Variants in PRKD1 observed in about 807,000 individuals in gnomAD.
PRKD1 encodes the protein protein kinase D1.
PRKD1 carries 63 observed loss-of-function variants against 95.9 expected under a neutral mutation model. The ratio of observed to expected loss-of-function variants is 0.66; its 90% CI spans 0.54 to 0.81. PRKD1 has a LOEUF of 0.81. PRKD1 is among the 30% of genes least tolerant of loss of function. The pLI, the probability that PRKD1 is intolerant of heterozygous loss-of-function variation, is 0.00. For missense variants in PRKD1, 1,048 were observed against 1,165.3 expected (o/e 0.90, Z 1.47); for synonymous variants, 425 against 423.1 (o/e 1.00, Z -0.05).
intron 16 of PRKD1, among the ~76,000 whole-genome samples, chr14:29,588,251 G>T (rs1893003951): frequency 6.6e-6 from 1 of 152,106 alleles, no homozygotes; most frequent in East Asian, 1.9e-4. Flanking sequence ...CCTACAGCTG[G>T]TTCCTTTTCA....
intron 16 of PRKD1, chr14:29,594,020 T>C: frequency 7.6e-6 from 3 of 396,304 alleles, no homozygotes; most frequent in South Asian, 5.6e-5. Context: ...GTCTAAGCCC[T>C]TGATTTCAAG....
intron 1 of PRKD1, among the ~76,000 whole-genome samples, chr14:29,753,841 G>C (rs530871778): frequency 6.6e-6 from 1 of 152,134 alleles, no homozygotes; most frequent in South Asian, 2.1e-4. Flanking sequence ...CTTTTTCAAT[G>C]ATGTACACCT....
intron 16 of PRKD1, among the ~76,000 whole-genome samples, chr14:29,580,821 T>C (rs1036459478): frequency 6.6e-6 from 1 of 152,108 alleles, no homozygotes; most frequent in Non-Finnish European, 1.5e-5. Flanking sequence ...ATGTATTATG[T>C]ATGTATAAAT....
At chr14:29,744,275 T>A (rs1392097345) in intron 1 of PRKD1, among the ~76,000 whole-genome samples, 1 of 152,208 alleles carries the variant, frequency 6.6e-6, no homozygotes, top group Non-Finnish European at 1.5e-5. Flanking sequence ...TCTCAAGAAA[T>A]GTCACTGCCA....
At chr14:29,731,519 TGAGA>T (rs1225340741) in intron 1 of PRKD1, among the ~76,000 whole-genome samples, 1 of 152,224 alleles carries the variant, frequency 6.6e-6, no homozygotes, top group Non-Finnish European at 1.5e-5. Flanking sequence ...TATAAATTAA[TGAGA>T]AAGAAATATT....
At chr14:29,819,018 T>C (rs1289884086) in intron 1 of PRKD1, among the ~76,000 whole-genome samples, 3 of 152,098 alleles carry the variant, frequency 2.0e-5, no homozygotes, top group African/African-American at 7.2e-5. Flanking sequence ...GGGGGTACAC[T>C]GTATTCTTCA....
At chr14:29,812,754 CGAGAT>C (rs1294851212) in intron 1 of PRKD1, among the ~76,000 whole-genome samples, 7 of 152,280 alleles carry the variant, frequency 4.6e-5, no homozygotes, top group African/African-American at 1.4e-4. Flanking sequence ...AATTACAATT[CGAGAT>C]GAGATTTGGG....
intron 1 of PRKD1, among the ~76,000 whole-genome samples, chr14:29,756,553 A>C (rs1887707565): frequency 6.6e-6 from 1 of 152,244 alleles, no homozygotes; most frequent in Admixed American, 6.5e-5. Context: ...TAAAGTAAAA[A>C]GCAAGACAAA....
chr14:29,660,834 T>C (rs1882148473), intron 4 of PRKD1, among the ~76,000 whole-genome samples: 1 of 152,160 alleles, frequency 6.6e-6, no homozygotes. Context: ...AATATACTTA[T>C]AGATAATGAT....
chr14:29,826,802 C>T (rs190604479), intron 1 of PRKD1, among the ~76,000 whole-genome samples: 7,509 of 22,256 alleles, frequency 0.34, 2,069 homozygotes, highest in Non-Finnish European at 0.42. Context: ...CATATATATA[C>T]ACATATATAT....
intron 13 of PRKD1, among the ~76,000 whole-genome samples, chr14:29,601,589 A>C (rs572915034): frequency 2.0e-5 from 3 of 152,136 alleles, no homozygotes; most frequent in African/African-American, 7.2e-5. Context: ...AAGCACATGG[A>C]GATAGTTGGG....
chr14:29,807,428 A>G (rs1890282016), intron 1 of PRKD1, among the ~76,000 whole-genome samples: 2 of 151,508 alleles, frequency 1.3e-5, no homozygotes, highest in South Asian at 2.1e-4. Context: ...ACAGGGTCAC[A>G]CTCCATGGCC....
chr14:29,723,610 G>A (rs1192578938), intron 2 of PRKD1, among the ~76,000 whole-genome samples: 3 of 152,046 alleles, frequency 2.0e-5, no homozygotes, highest in African/African-American at 7.2e-5. Flanking sequence ...GAGGAGCTGG[G>A]AGAGTACTGC....
chr14:29,793,496 CA>C (rs1297633374), intron 1 of PRKD1, among the ~76,000 whole-genome samples: 1 of 152,082 alleles, frequency 6.6e-6, no homozygotes, highest in Non-Finnish European at 1.5e-5. Context: ...AAGAATATCA[CA>C]GCTATCTTTT....
intron 1 of PRKD1, among the ~76,000 whole-genome samples, chr14:29,738,994 C>G (rs1257370148): frequency 6.6e-6 from 1 of 152,048 alleles, no homozygotes; most frequent in Non-Finnish European, 1.5e-5. Context: ...TGCCACCATG[C>G]CTGACTACTT....
chr14:29,908,182 G>T (rs1894560518), intron 1 of PRKD1, among the ~76,000 whole-genome samples: 1 of 148,278 alleles, frequency 6.7e-6, no homozygotes, highest in Non-Finnish European at 1.5e-5. Flanking sequence ...TTTTCAAACT[G>T]AAAAAAGCAA....
At position 29,725,524 on chromosome 14, in the gene PRKD1, A is replaced by G. The variant is rs780508543; in HGVS notation, c.403+12T>C. On this transcript the variant is annotated intron_variant, in intron 2 of 17. Coordinates refer to ENST00000331968, the MANE Select transcript of PRKD1 (RefSeq NM_002742.3). ...AATCTACGGATAAAGAAAAGGTATAAAAGTATACTACCTGACAAGACCACT... is the reference window on the plus strand; with the variant it reads ...AATCTACGGATAAAGAAAAGGTATAGAAGTATACTACCTGACAAGACCACT... 1 of 1,610,906 alleles carries G rather than the reference A, an allele frequency of 6.2e-7. No individual in the cohort carries two copies. The highest frequency in any genetic ancestry group is 8.5e-7 in the Non-Finnish European group (1 of 1,178,412).
intron 1 of PRKD1, among the ~76,000 whole-genome samples, chr14:29,875,406 C>T (rs1374661172): frequency 6.6e-6 from 1 of 152,158 alleles, no homozygotes; most frequent in Non-Finnish European, 1.5e-5. Context: ...ATAATATTTG[C>T]ATGTGGACAA....
chr14:29,892,375 T>C (rs1383799311), intron 1 of PRKD1, among the ~76,000 whole-genome samples: 1 of 151,162 alleles, frequency 6.6e-6, no homozygotes. Flanking sequence ...TTTCTCTTTG[T>C]ATCAAGAACA....
Sources: allele counts gnomAD v4.1 joint callset (sites outside exome capture counted in the v4.1 genomes callset), GRCh38; gene constraint gnomAD v4.1.1; transcripts MANE v1.5; gene names NCBI Gene and HGNC (gene_info 2026-07-23, HGNC 2026-07-21).